The following PDE11A variants were observed in gnomAD, a reference collection of about 807,000 sequenced individuals.
The protein encoded by PDE11A is phosphodiesterase 11A.
A neutral mutation model predicts 100.5 loss-of-function variants in PDE11A; 100 were observed. That is an observed-to-expected ratio of 1.00 (90% CI 0.85 to 1.18). The LOEUF (loss-of-function observed/expected upper bound fraction) is 1.18. Ranked by LOEUF, PDE11A falls within the 50% of genes most tolerant of loss-of-function variation. PDE11A has a pLI of 0.00. For missense variants in PDE11A, 1,141 were observed against 1,152.6 expected, an observed-to-expected ratio of 0.99 and a Z score of 0.15; for synonymous variants, 381 against 420.8, an observed-to-expected ratio of 0.91 and a Z score of 1.16.
At chr2:178,043,744 A>C (rs2086711406) in intron 1 of PDE11A, among the ~76,000 whole-genome samples, 1 of 152,184 alleles carries the variant, frequency 6.6e-6, no homozygotes, top group African/African-American at 2.4e-5. Context: ...TAATCACAAC[A>C]ACCATGCAAA....
chr2:177,851,480 A>G (rs1468774006), intron 5 of PDE11A, among the ~76,000 whole-genome samples: 1 of 152,142 alleles, frequency 6.6e-6, no homozygotes, highest in Admixed American at 6.5e-5. Flanking sequence ...GCACATGTAT[A>G]CATATGTAAC....
intron 2 of PDE11A, among the ~76,000 whole-genome samples, chr2:177,911,041 A>G (rs929352863): frequency 2.0e-5 from 3 of 152,198 alleles, no homozygotes; most frequent in African/African-American, 4.8e-5. Context: ...TTTCCCACCT[A>G]CAGATAACAC....
At position 178,014,879 on chromosome 2, in the gene PDE11A, G is replaced by GAA. The variant is rs71410793; in HGVS notation, c.913-421_913-420dup. ...TTATTTCTGGCCAAAATGATCCTGT[G>GAA]AAAAAAAAATCTATGAGTACATAAT... On this transcript the variant is annotated intron_variant, in intron 1 of 19. Coordinates refer to ENST00000286063, the MANE Select transcript of PDE11A (RefSeq NM_016953.4). Among the ~76,000 whole-genome samples, 93 of 151,170 alleles carry GAA rather than the reference G, an allele frequency of 6.2e-4. 3 individuals carry two copies. Among genetic ancestry groups the GAA allele is most frequent in the East Asian group, 1.9e-4 (1 of 5,158 alleles).
intron 15 of PDE11A, chr2:177,688,108 C>T (rs549797735): frequency 6.6e-6 from 1 of 152,336 alleles, no homozygotes; most frequent in Non-Finnish European, 1.5e-5. Flanking sequence ...GATAGCTTTT[C>T]ATGTTGTAAG....
At position 177,845,162 on chromosome 2, in the gene PDE11A, G is replaced by A. The variant is rs78275584; in HGVS notation, c.1368-4779C>T. ...TCCCGGACGGGGCGGCTGGCCGGGC[G>A]GGGGGCTGACCCCCCCCACCTCCCT... On this transcript the variant is annotated intron_variant, in intron 5 of 19. Transcript: ENST00000286063. 1.7e-3 allele frequency among the ~76,000 whole-genome samples: 256 copies of A among 149,752 alleles called. 1 individual carries two copies. The highest frequency in any genetic ancestry group is 3.1e-3 in the Non-Finnish European group (211 of 67,232).
chr2:178,051,232 C>T (rs2086822792), intron 1 of PDE11A, among the ~76,000 whole-genome samples: 1 of 152,126 alleles, frequency 6.6e-6, no homozygotes, highest in East Asian at 1.9e-4. Flanking sequence ...ATTTTCAACC[C>T]AGAATTTCAT....
intron 12 of PDE11A, among the ~76,000 whole-genome samples, chr2:177,721,974 C>T (rs984743440): frequency 6.6e-6 from 1 of 152,090 alleles, no homozygotes; most frequent in Non-Finnish European, 1.5e-5. Context: ...GAAAGTGCCA[C>T]TAGGAAATCA....
intron 10 of PDE11A, among the ~76,000 whole-genome samples, chr2:177,737,252 A>AAAAT (rs1326335616): frequency 1.4e-5 from 2 of 147,834 alleles, no homozygotes; most frequent in Non-Finnish European, 3.0e-5. Flanking sequence ...AAATAAAATA[A>AAAAT]AAATAAATAA....
chr2:177,825,600 A>G (rs2083216031), intron 6 of PDE11A, among the ~76,000 whole-genome samples: 1 of 152,170 alleles, frequency 6.6e-6, no homozygotes. Flanking sequence ...GAGGAAAAGG[A>G]GAAGGGAGAT....
chr2:177,693,951 A>G (rs1193381154), intron 15 of PDE11A, among the ~76,000 whole-genome samples: 2 of 152,234 alleles, frequency 1.3e-5, no homozygotes, highest in Admixed American at 6.5e-5. Flanking sequence ...TCTCATTATA[A>G]CTCTAGGGAT....
intron 10 of PDE11A, 103 bp from the exon 11 acceptor site, chr2:177,728,275 C>G (rs2081632620): frequency 2.1e-6 from 2 of 939,142 alleles, no homozygotes; most frequent in Admixed American, 1.8e-5. Flanking sequence ...TAAATCAGGC[C>G]TGACCTGCAC....
At chr2:178,081,981 T>G (rs1016256842) in intron 2 of PDE11A, among the ~76,000 whole-genome samples, 7 of 152,228 alleles carry the variant, frequency 4.6e-5, no homozygotes, top group Non-Finnish European at 1.0e-4. Flanking sequence ...GTGGGAGCAG[T>G]GCTATCTGTC....
intron 2 of PDE11A, among the ~76,000 whole-genome samples, chr2:177,981,943 C>T (rs1452371052): frequency 6.6e-6 from 1 of 150,894 alleles, no homozygotes; most frequent in East Asian, 1.9e-4. Flanking sequence ...AGGATATTGA[C>T]TCCTTTGCCA....
chr2:177,951,605 G>A (rs1267964794), intron 2 of PDE11A, among the ~76,000 whole-genome samples: 1 of 152,154 alleles, frequency 6.6e-6, no homozygotes, highest in Non-Finnish European at 1.5e-5. Context: ...GTGGTAATGA[G>A]AGTATCAGCA....
At chr2:178,018,237 T>G in intron 1 of PDE11A, 1 of 412,362 alleles carries the variant, frequency 2.4e-6, no homozygotes, top group Non-Finnish European at 4.8e-6. Context: ...CAGCTGCTGC[T>G]TTGAATCCTT....
chr2:178,089,755 A>G (rs1469734181), intron 2 of PDE11A, among the ~76,000 whole-genome samples: 5 of 152,186 alleles, frequency 3.3e-5, no homozygotes, highest in Non-Finnish European at 1.5e-5. Flanking sequence ...AGATCAGCAG[A>G]GCAAGTACTT....
intron 2 of PDE11A, among the ~76,000 whole-genome samples, chr2:177,996,961 G>A (rs1241588675): frequency 6.6e-6 from 1 of 152,172 alleles, no homozygotes; most frequent in Non-Finnish European, 1.5e-5. Flanking sequence ...TAATGATATT[G>A]CAAAAACAAC....
chr2:178,082,062 A>C (rs963826278), intron 2 of PDE11A, among the ~76,000 whole-genome samples: 83 of 152,350 alleles, frequency 5.4e-4, no homozygotes, highest in African/African-American at 1.9e-3. Context: ...CCTTTAATTA[A>C]GTTGATCTCA....
intron 12 of PDE11A, among the ~76,000 whole-genome samples, chr2:177,713,017 T>G (rs1415915445): frequency 1.9e-5 from 2 of 108,020 alleles, no homozygotes; most frequent in African/African-American, 2.8e-5. Flanking sequence ...GACAATTTTA[T>G]TTTTTTTTTA....
Sources: gnomAD v4.1 joint callset for allele counts (sites outside exome capture counted in the v4.1 genomes callset) on GRCh38, gnomAD v4.1.1 for gene constraint, MANE v1.5 for transcripts, NCBI Gene and HGNC (gene_info 2026-07-23, HGNC 2026-07-21) for gene names.